Variants in ATP8A2 observed in about 807,000 individuals in gnomAD.
ATP8A2 encodes the protein ATPase phospholipid transporting 8A2, also known as phospholipid-transporting ATPase IB.
ATP8A2 carries 100 observed loss-of-function variants against 165.6 expected under a neutral mutation model. That is an observed-to-expected ratio of 0.60 (90% confidence interval 0.51 to 0.71). The LOEUF (loss-of-function observed/expected upper bound fraction) is 0.71. Ranked by LOEUF, ATP8A2 falls within the 30% of genes least tolerant of loss-of-function variation. The pLI is 0.00. For synonymous variants in ATP8A2, 543 were observed against 548.8 expected, an observed-to-expected ratio of 0.99 and a Z score of 0.15; for missense variants, 1,227 against 1,479.5, an observed-to-expected ratio of 0.83 and a Z score of 2.80.
chr13:25,533,125 G>C, intron 5 of ATP8A2, 148 bp from the exon 6 acceptor site: 1 of 627,188 alleles, frequency 1.6e-6, no homozygotes, highest in Non-Finnish European at 2.8e-6. Flanking sequence ...CATTTTGAGG[G>C]TGGGGGTGCT....
rs186011981 is a variant in ATP8A2, at chr13:25,978,017, A to G, written c.3377+9338A>G. 2.6e-5 allele frequency among the ~76,000 whole-genome samples: 4 copies of G among 152,238 alleles called. No individual in the cohort carries two copies. In the East Asian group the frequency reaches 7.7e-4, roughly 29 times the overall value. ...ATGTCAACTTTCTCTATTTGCCAAC[A>G]AGACTTTTTTTCAAGAACCATTTTT... On this transcript the variant is annotated intron_variant, in intron 35 of 36. Transcript: ENST00000381655.
At chr13:25,664,848 A>G (rs961648666) in intron 24 of ATP8A2, among the ~76,000 whole-genome samples, 3 of 152,128 alleles carry the variant, frequency 2.0e-5, no homozygotes, top group Non-Finnish European at 4.4e-5. Flanking sequence ...AACATGGGAC[A>G]TAACTGATTT....
At chr13:25,804,469 G>A (rs1178190259) in intron 27 of ATP8A2, among the ~76,000 whole-genome samples, 1 of 152,076 alleles carries the variant, frequency 6.6e-6, no homozygotes, top group Non-Finnish European at 1.5e-5. Context: ...AATGAGTTTT[G>A]TAGCTTTATA....
chr13:25,570,903 GCC>G, intron 17 of ATP8A2, 31 bp downstream of exon 17: 1 of 1,535,368 alleles, frequency 6.5e-7, no homozygotes, highest in African/African-American at 1.4e-5. Context: ...CGCCCTGCTG[GCC>G]CCTTCTCAGG....
At chr13:25,555,636 C>T (rs1281300448) in intron 13 of ATP8A2, among the ~76,000 whole-genome samples, 5 of 124,878 alleles carry the variant, frequency 4.0e-5, no homozygotes, top group African/African-American at 1.5e-4. Context: ...TTTATTTTTT[C>T]AATATTTATT....
chr13:25,441,871 A>T (rs1483956943), intron 1 of ATP8A2, among the ~76,000 whole-genome samples: 3 of 152,158 alleles, frequency 2.0e-5, no homozygotes, highest in Non-Finnish European at 4.4e-5. Context: ...TTTCATCTGT[A>T]AAACTAAAAC....
Position 25,750,919 on chromosome 13 carries a change from G to A in ATP8A2, c.2385-18127G>A, listed in dbSNP as rs2044141530. Reference sequence around the variant, plus strand: ...TGTTCTCTGTCCAGGGTCCAACAGGGAACTGAAATCTTGGAGGTTTTCAGC... The same window carrying A: ...TGTTCTCTGTCCAGGGTCCAACAGGAAACTGAAATCTTGGAGGTTTTCAGC... On this transcript the variant is annotated intron_variant, in intron 25 of 36. Transcript: ENST00000381655. This position sits in a 1 kb window ranked among gnomAD's most constrained non-coding sequence, Gnocchi z 4.3. Among the ~76,000 whole-genome samples, 1 of 152,146 alleles carries A rather than the reference G, an allele frequency of 6.6e-6. No individual in the cohort carries two copies. Among genetic ancestry groups the A allele is most frequent in the African/African-American group, 2.4e-5 (1 of 41,438 alleles).
intron 2 of ATP8A2, among the ~76,000 whole-genome samples, chr13:25,516,822 C>A (rs1379722888): frequency 6.7e-6 from 1 of 150,098 alleles, no homozygotes. Context: ...ACTCTCTCAC[C>A]CAGGCTGGAG....
chr13:25,605,358 T>A (rs906074063), intron 24 of ATP8A2, among the ~76,000 whole-genome samples: 1 of 152,196 alleles, frequency 6.6e-6, no homozygotes, highest in Non-Finnish European at 1.5e-5. Flanking sequence ...ATTTAGGTTT[T>A]CTGGCAATCT....
At chr13:25,866,233 G>A (rs958830244) in intron 33 of ATP8A2, among the ~76,000 whole-genome samples, 2 of 152,158 alleles carry the variant, frequency 1.3e-5, no homozygotes, top group African/African-American at 4.8e-5. Flanking sequence ...TCATGCCCCA[G>A]CTATGATAGT....
intron 33 of ATP8A2, among the ~76,000 whole-genome samples, chr13:25,937,362 C>CTTTTTTTTTTTTTTTTTTTTTT (rs1555293658): frequency 7.0e-4 from 27 of 38,794 alleles, no homozygotes; most frequent in Non-Finnish European, 7.6e-4. Context: ...TTCTTTCTTT[C>CTTTTTTTTTTTTTTTTTTTTTT]TTTTTTTTTT....
chr13:25,423,814 G>A (rs1427119924), intron 1 of ATP8A2, among the ~76,000 whole-genome samples: 7 of 152,268 alleles, frequency 4.6e-5, no homozygotes, highest in Non-Finnish European at 7.4e-5. Flanking sequence ...ACTAGTAAGC[G>A]CTTGGGATTT....
At chr13:25,618,676 A>C (rs1236308159) in intron 24 of ATP8A2, among the ~76,000 whole-genome samples, 1 of 138,376 alleles carries the variant, frequency 7.2e-6, no homozygotes, top group Non-Finnish European at 1.5e-5. Flanking sequence ...AAGTTCTGAT[A>C]GTTAGACTTT....
At chr13:25,669,663 C>T (rs2042224582) in intron 24 of ATP8A2, among the ~76,000 whole-genome samples, 1 of 152,214 alleles carries the variant, frequency 6.6e-6, no homozygotes, top group Non-Finnish European at 1.5e-5. Context: ...GCCTTCCCTG[C>T]TTTTTGGTCT....
At chr13:25,988,382 C>G (rs1331284361) in intron 35 of ATP8A2, among the ~76,000 whole-genome samples, 2 of 152,352 alleles carry the variant, frequency 1.3e-5, no homozygotes, top group East Asian at 3.9e-4. Context: ...AGCTCAGCCT[C>G]CAACCTACAA....
intron 24 of ATP8A2, among the ~76,000 whole-genome samples, chr13:25,622,261 G>T (rs1189303381): frequency 6.6e-6 from 1 of 151,586 alleles, no homozygotes; most frequent in Non-Finnish European, 1.5e-5. Context: ...AGTTGGAGAT[G>T]TGTCAATAGA....
chr13:25,949,069 G>A (rs1174111360), intron 33 of ATP8A2, among the ~76,000 whole-genome samples: 3 of 152,218 alleles, frequency 2.0e-5, no homozygotes, highest in Non-Finnish European at 4.4e-5. Flanking sequence ...GAGGAGGGGT[G>A]AGCAAAGTAC....
intron 28 of ATP8A2, among the ~76,000 whole-genome samples, chr13:25,830,832 C>T (rs1001723409): frequency 3.3e-5 from 5 of 152,162 alleles, no homozygotes; most frequent in African/African-American, 7.2e-5. Flanking sequence ...AACATCATGT[C>T]GCTTTCCTGC....
chr13:25,932,465 G>C (rs571635530), intron 33 of ATP8A2, among the ~76,000 whole-genome samples: 1 of 152,192 alleles, frequency 6.6e-6, no homozygotes, highest in Non-Finnish European at 1.5e-5. Context: ...TCGAGCATCA[G>C]CTGTAGCTGC....
Sources: allele counts gnomAD v4.1 joint callset (sites outside exome capture counted in the v4.1 genomes callset), GRCh38; gene constraint gnomAD v4.1.1; non-coding constraint Gnocchi (gnomAD v3.1); transcripts MANE v1.5; gene names NCBI Gene and HGNC (gene_info 2026-07-23, HGNC 2026-07-21).